Variants in CSMD1 observed in about 807,000 individuals in gnomAD.
CSMD1 encodes the protein CUB and Sushi multiple domains 1, also known as CUB and sushi domain-containing protein 1.
Under a neutral mutation model 417.5 loss-of-function variants are expected in CSMD1, and 213 were observed. That is an observed-to-expected ratio of 0.51 (90% CI 0.46 to 0.57). The LOEUF is 0.57. Among genes scored for constraint, CSMD1 ranks in the 20% least tolerant of loss-of-function variants. CSMD1 has a pLI of 0.00. For missense variants in CSMD1, 6,923 were observed against 4,529.7 expected, an observed-to-expected ratio of 1.53 and a Z score of -15.17; for synonymous variants, 2,862 against 1,736.8, an observed-to-expected ratio of 1.65 and a Z score of -16.11.
intron 5 of CSMD1, among the ~76,000 whole-genome samples, chr8:3,911,397 G>A (rs774609421): frequency 2.6e-4 from 40 of 151,702 alleles, no homozygotes; most frequent in Admixed American, 4.6e-4. Context: ...GTATGGTGGC[G>A]GGCGCCTGTG....
chr8:3,621,278 G>C (rs1266180780), intron 7 of CSMD1, among the ~76,000 whole-genome samples: 1 of 152,170 alleles, frequency 6.6e-6, no homozygotes, highest in Non-Finnish European at 1.5e-5. Flanking sequence ...TAGGTTGGCA[G>C]GAGGCGTTGA....
intron 12 of CSMD1, among the ~76,000 whole-genome samples, chr8:3,432,305 A>T: frequency 6.6e-6 from 1 of 152,112 alleles, no homozygotes. Flanking sequence ...TGAAAGATAG[A>T]CGGTTAAAAG....
intron 1 of CSMD1, among the ~76,000 whole-genome samples, chr8:4,934,365 T>C (rs73189678): frequency 0.01 from 1,571 of 152,338 alleles, 14 homozygotes; most frequent in Middle Eastern, 0.017. Flanking sequence ...TGTATAGATA[T>C]GAAAATATTG....
intron 3 of CSMD1, among the ~76,000 whole-genome samples, chr8:4,149,828 T>A (rs1238123840): frequency 6.6e-6 from 1 of 152,206 alleles, no homozygotes; most frequent in African/African-American, 2.4e-5. Context: ...ACCACTTTAA[T>A]TGGTTCATTC....
At chr8:4,573,798 C>A (rs546372381) in intron 2 of CSMD1, among the ~76,000 whole-genome samples, 1 of 152,180 alleles carries the variant, frequency 6.6e-6, no homozygotes, top group Admixed American at 6.5e-5. Context: ...GGGCTGCTGC[C>A]TTTCTTTCAG....
At chr8:4,370,234 T>C (rs1490625251) in intron 3 of CSMD1, among the ~76,000 whole-genome samples, 1 of 151,900 alleles carries the variant, frequency 6.6e-6, no homozygotes, top group Non-Finnish European at 1.5e-5. Flanking sequence ...AATTCTTGTT[T>C]GGAATTACTT....
intron 1 of CSMD1, among the ~76,000 whole-genome samples, chr8:4,674,338 A>T (rs1337165273): frequency 6.6e-6 from 1 of 152,168 alleles, no homozygotes; most frequent in Non-Finnish European, 1.5e-5. Context: ...AAGGAAGGTA[A>T]ACGCAAGTGG....
chr8:4,345,828 G>C (rs750123453), intron 3 of CSMD1, among the ~76,000 whole-genome samples: 6 of 152,076 alleles, frequency 3.9e-5, no homozygotes, highest in Non-Finnish European at 7.4e-5. Context: ...AGGTCATCCC[G>C]AGCAGCGACC....
intron 7 of CSMD1, among the ~76,000 whole-genome samples, chr8:3,662,176 G>T (rs951599926): frequency 6.6e-6 from 1 of 152,154 alleles, no homozygotes; most frequent in Non-Finnish European, 1.5e-5. Context: ...CAAGGAAAAG[G>T]TGTAAACATA....
chr8:3,730,035 C>G (rs751225528), intron 6 of CSMD1, among the ~76,000 whole-genome samples: 7 of 148,852 alleles, frequency 4.7e-5, no homozygotes, highest in African/African-American at 1.8e-4. Context: ...CGAAGCGCTG[C>G]AAGTGTTTCC....
At chr8:3,893,339 T>TTTTATATATATATATATATA (rs1554476820) in intron 5 of CSMD1, among the ~76,000 whole-genome samples, 1 of 80,462 alleles carries the variant, frequency 1.2e-5, no homozygotes, top group African/African-American at 3.6e-5. Flanking sequence ...ATTCACAATT[T>TTTTATATATATATATATATA]TATATATATA....
chr8:4,081,139 C>G (rs772247078), intron 3 of CSMD1, among the ~76,000 whole-genome samples: 7 of 152,142 alleles, frequency 4.6e-5, no homozygotes, highest in Non-Finnish European at 1.0e-4. Flanking sequence ...AACTCTTGAT[C>G]TTAGACTTCC....
intron 2 of CSMD1, among the ~76,000 whole-genome samples, chr8:4,554,967 G>C (rs897448104): frequency 6.6e-6 from 1 of 152,204 alleles, no homozygotes; most frequent in South Asian, 2.1e-4. Context: ...GCCTGCTGGA[G>C]GGGCCACCAG....
chr8:3,106,628 C>G lies in CSMD1; in HGVS notation c.6849G>C (p.Lys2283Asn). 1 of 1,611,932 alleles carries G rather than the reference C, an allele frequency of 6.2e-7. No individual in the cohort carries two copies. The highest frequency in any genetic ancestry group is 8.5e-7 in the Non-Finnish European group (1 of 1,178,450). ...DDDFEIGDFV[K>N]YQCHPGYTLV... ...AGGTGTACCCGGGGTGGCACTGGTA[C>G]TTCACAAAATCTCCTAGAAGAGTCA... The change falls in exon 46 of 70, where the codon AAG becomes AAC. Residue 2283 changes from lysine (K) to asparagine (N), a missense_variant. By Grantham distance (94) the Lys-to-Asn change is moderately conservative. Coordinates refer to ENST00000635120, the MANE Select transcript of CSMD1 (RefSeq NM_033225.6).
intron 1 of CSMD1, among the ~76,000 whole-genome samples, chr8:4,968,664 A>G (rs1298122121): frequency 6.6e-6 from 1 of 152,162 alleles, no homozygotes; most frequent in Non-Finnish European, 1.5e-5. Context: ...AGTGTGGTTC[A>G]AAAGACTTAG....
intron 3 of CSMD1, among the ~76,000 whole-genome samples, chr8:4,093,169 T>C (rs926717300): frequency 6.6e-6 from 1 of 152,204 alleles, no homozygotes; most frequent in Non-Finnish European, 1.5e-5. Flanking sequence ...AGGTTTACAG[T>C]AACAAGTAAA....
chr8:3,581,995 A>G (rs1425806712), intron 9 of CSMD1, among the ~76,000 whole-genome samples: 2 of 152,106 alleles, frequency 1.3e-5, no homozygotes, highest in African/African-American at 4.8e-5. Flanking sequence ...GAGTTTCACT[A>G]TGTTGGCCAG....
chr8:3,372,517 G>C (rs1315205058), intron 18 of CSMD1, among the ~76,000 whole-genome samples: 2 of 152,196 alleles, frequency 1.3e-5, no homozygotes, highest in African/African-American at 4.8e-5. Flanking sequence ...AAGATGGGAA[G>C]ACATGGTCTG....
chr8:3,655,597 C>T (rs1322198466), intron 7 of CSMD1, among the ~76,000 whole-genome samples: 1 of 151,968 alleles, frequency 6.6e-6, no homozygotes, highest in Non-Finnish European at 1.5e-5. Flanking sequence ...GCCCGTCCCA[C>T]CAGGCCCCTC....
Sources: gnomAD v4.1 joint callset for allele counts (sites outside exome capture counted in the v4.1 genomes callset) on GRCh38, gnomAD v4.1.1 for gene constraint, MANE v1.5 for transcripts, NCBI Gene and HGNC (gene_info 2026-07-23, HGNC 2026-07-21) for gene names.